Variants in ANKAR observed in about 807,000 individuals in gnomAD.
The protein encoded by ANKAR is ankyrin and armadillo repeat-containing protein.
Under a neutral mutation model 146.2 loss-of-function variants are expected in ANKAR, and 136 were observed. The ratio of observed to expected loss-of-function variants is 0.93; its 90% CI spans 0.81 to 1.07. The LOEUF is 1.07. Ranked by LOEUF, ANKAR falls within the 50% of genes least tolerant of loss-of-function variation. The pLI is 0.00. For synonymous variants in ANKAR, 500 were observed against 575.8 expected (o/e 0.87, Z 1.88); for missense variants, 1,567 against 1,679.9 (o/e 0.93, Z 1.18).
chr2:189,742,657 G>A (rs1441724451), intron 20 of ANKAR, among the ~76,000 whole-genome samples: 1 of 151,994 alleles, frequency 6.6e-6, no homozygotes, highest in Non-Finnish European at 1.5e-5. Flanking sequence ...TCTCCAAAGT[G>A]TCTGTTCCTA....
chr2:189,746,328 A>G, intron 22 of ANKAR, 52 bp from the exon 23 acceptor site: 1 of 1,516,558 alleles, frequency 6.6e-7, no homozygotes, highest in Non-Finnish European at 8.8e-7. Context: ...AGAAGTAATG[A>G]GACTATACCT....
At chr2:189,741,137 A>C (rs184104816) in intron 19 of ANKAR, among the ~76,000 whole-genome samples, 2 of 152,328 alleles carry the variant, frequency 1.3e-5, no homozygotes, top group Admixed American at 1.3e-4. Context: ...AACCTATTTA[A>C]TTTACACTAT....
At chr2:189,755,420 G>A in intron 18 of ANKAR, 1 of 1,609,886 alleles carries the variant, frequency 6.2e-7, no homozygotes, top group Non-Finnish European at 8.5e-7. Flanking sequence ...CAGGCTTAAA[G>A]CAAGTCCTGG....
downstream of ANKAR, chr2:189,761,513 T>A: frequency 1.2e-6 from 2 of 1,613,378 alleles, no homozygotes; most frequent in Non-Finnish European, 1.7e-6. Flanking sequence ...ACAACTAGTT[T>A]CAATTCCCAA....
chr2:189,675,380 T>C (rs568949402), intron 1 of ANKAR, among the ~76,000 whole-genome samples: 3 of 152,294 alleles, frequency 2.0e-5, no homozygotes, highest in South Asian at 2.1e-4. Flanking sequence ...TTTTTCTTTT[T>C]TTTTTCTTTT....
At chr2:189,707,440 C>A (rs978612202) in intron 9 of ANKAR, among the ~76,000 whole-genome samples, 3 of 131,296 alleles carry the variant, frequency 2.3e-5, no homozygotes, top group South Asian at 2.4e-4. Context: ...GTTCAAACAT[C>A]CTCTCCTTCA....
chr2:189,759,899 T>C (rs1055418825), intron 18 of ANKAR, among the ~76,000 whole-genome samples: 2 of 152,296 alleles, frequency 1.3e-5, no homozygotes, highest in East Asian at 1.9e-4. Flanking sequence ...GGCAGAGGAC[T>C]CTGCGGCCTT....
At chr2:189,736,499 G>T (rs1163804604) in intron 17 of ANKAR, among the ~76,000 whole-genome samples, 4 of 113,708 alleles carry the variant, frequency 3.5e-5, no homozygotes, top group Non-Finnish European at 5.4e-5. Flanking sequence ...AGGTGACTGG[G>T]TTTTGTGTGT....
At chr2:189,701,461 T>C (rs991319607) in intron 7 of ANKAR, among the ~76,000 whole-genome samples, 3 of 152,146 alleles carry the variant, frequency 2.0e-5, no homozygotes, top group Non-Finnish European at 4.4e-5. Flanking sequence ...TTTCAGACTC[T>C]TGGGCTCAAG....
rs560105907 is a variant in ANKAR, at chr2:189,713,095, G to A, written c.2224+1942G>A. ...AAAAGAGTAAGAAGAAATGAACAAA[G>A]CCTCCAAGAAATATGGGACTATATG... On this transcript the variant is annotated intron_variant, in intron 10 of 22. Coordinates refer to ENST00000684021, the MANE Select transcript of ANKAR (RefSeq NM_001378068.1). Among the ~76,000 whole-genome samples the A allele has an allele frequency of 6.6e-5, 10 of 152,252 alleles. No homozygotes were observed. The East Asian group carries it at 1.9e-3, about 29-fold the overall frequency.
chr2:189,691,119 G>T (rs185473807), intron 3 of ANKAR, among the ~76,000 whole-genome samples: 2 of 152,250 alleles, frequency 1.3e-5, no homozygotes, highest in East Asian at 3.9e-4. Flanking sequence ...GCAGTGGCAC[G>T]ATCTCGACTC....
At chr2:189,741,320 AT>A (rs754124883) in intron 19 of ANKAR, 21 bp from the exon 20 acceptor site, 4 of 1,537,658 alleles carry the variant, frequency 2.6e-6, no homozygotes, top group Non-Finnish European at 3.5e-6. Context: ...TAACACAAGC[AT>A]TTTTCTTGTT....
intron 2 of ANKAR, among the ~76,000 whole-genome samples, chr2:189,679,549 G>A (rs1471893520): frequency 6.6e-6 from 1 of 152,152 alleles, no homozygotes; most frequent in African/African-American, 2.4e-5. Flanking sequence ...CCAGTTCTTA[G>A]GGGAAGTGCT....
chr2:189,721,409 T>C (rs1355409301), intron 12 of ANKAR, among the ~76,000 whole-genome samples: 1 of 152,230 alleles, frequency 6.6e-6, no homozygotes, highest in Non-Finnish European at 1.5e-5. Flanking sequence ...ATTTTAAAAA[T>C]ACATATAATA....
chr2:189,684,255 T>C (rs994415503), intron 2 of ANKAR, among the ~76,000 whole-genome samples: 2 of 92,518 alleles, frequency 2.2e-5, no homozygotes, highest in African/African-American at 8.8e-5. Flanking sequence ...GAATGCCTTC[T>C]TCCTGTTCAC....
intron 18 of ANKAR, chr2:189,754,299 A>G (rs751321533): frequency 6.2e-6 from 10 of 1,613,626 alleles, no homozygotes; most frequent in Non-Finnish European, 8.5e-6. Context: ...CCCACCACTC[A>G]TGGTGGAGCA....
At chr2:189,695,321 G>T (rs1382504236) in intron 6 of ANKAR, among the ~76,000 whole-genome samples, 160 bp downstream of exon 6, 1 of 152,160 alleles carries the variant, frequency 6.6e-6, no homozygotes, top group Non-Finnish European at 1.5e-5. Flanking sequence ...TACAATTCTG[G>T]ATTATAAATT....
intron 18 of ANKAR, among the ~76,000 whole-genome samples, chr2:189,760,792 CA>C (rs574060051): frequency 2.8e-5 from 4 of 142,820 alleles, no homozygotes; most frequent in African/African-American, 1.0e-4. Flanking sequence ...TCTGTCTCAC[CA>C]AAAAAAAAGA....
intron 18 of ANKAR, among the ~76,000 whole-genome samples, chr2:189,760,094 G>C (rs1292000009): frequency 6.6e-6 from 1 of 152,214 alleles, no homozygotes; most frequent in African/African-American, 2.4e-5. Flanking sequence ...TAGATCAACA[G>C]CATCCCAAGG....
Sources: gnomAD v4.1 joint callset for allele counts (sites outside exome capture counted in the v4.1 genomes callset) on GRCh38, gnomAD v4.1.1 for gene constraint, MANE v1.5 for transcripts, NCBI Gene and HGNC (gene_info 2026-07-23, HGNC 2026-07-21) for gene names.